MBD5: variants seen among roughly 807,000 people sequenced by gnomAD.
MBD5 encodes the protein methyl-CpG binding domain protein 5.
A neutral mutation model predicts 117.3 loss-of-function variants in MBD5; 13 were observed. The ratio of observed to expected loss-of-function variants is 0.11; its 90% CI spans 0.07 to 0.18. The LOEUF (loss-of-function observed/expected upper bound fraction) is 0.18, where lower values mean the gene tolerates loss of function less well. Ranked by LOEUF, MBD5 falls within the 10% of genes least tolerant of loss-of-function variation. The pLI is 1.00. For missense variants in MBD5, 1,879 were observed against 2,093.8 expected (o/e 0.90, Z 2.00); for synonymous variants, 727 against 766.4 (o/e 0.95, Z 0.85).
At chr2:148,281,926 A>G (rs952450424) in intron 3 of MBD5, among the ~76,000 whole-genome samples, 1 of 152,282 alleles carries the variant, frequency 6.6e-6, no homozygotes, top group Non-Finnish European at 1.5e-5. Context: ...CTCCACTAAC[A>G]TGCAATATTA....
chr2:148,490,660 TATC>T (rs1446820400), intron 11 of MBD5, 66 bp downstream of exon 11: 67 of 1,585,574 alleles, frequency 4.2e-5, no homozygotes, highest in Non-Finnish European at 5.6e-5. Flanking sequence ...TGCTTTTTGT[TATC>T]ATCACTTTGG....
chr2:148,245,446 G>A (rs927328504), intron 3 of MBD5, among the ~76,000 whole-genome samples: 2 of 151,968 alleles, frequency 1.3e-5, no homozygotes, highest in Non-Finnish European at 2.9e-5. Context: ...AATTAGCTGA[G>A]TGTGGTGGTG....
At chr2:148,146,173 T>G (rs141230197) in intron 1 of MBD5, among the ~76,000 whole-genome samples, 62 of 152,344 alleles carry the variant, frequency 4.1e-4, no homozygotes, top group African/African-American at 1.5e-3. Context: ...CAGTTGTTTA[T>G]AGTGAGCTTT....
At chr2:148,278,151 T>C (rs1701158635) in intron 3 of MBD5, among the ~76,000 whole-genome samples, 1 of 152,212 alleles carries the variant, frequency 6.6e-6, no homozygotes, top group Non-Finnish European at 1.5e-5. Flanking sequence ...ATATGTAGCC[T>C]TTGATTCTAT....
intron 1 of MBD5, among the ~76,000 whole-genome samples, chr2:148,074,515 T>TTTTTG (rs1368736089): frequency 1.3e-5 from 2 of 148,958 alleles, no homozygotes; most frequent in East Asian, 1.9e-4. Flanking sequence ...TTGTTTTTTT[T>TTTTTG]TTTGAGATGG....
chr2:148,228,495 T>C lies in MBD5; in HGVS notation c.-830-4750T>C, dbSNP rs564054328. 2.0e-3 allele frequency among the ~76,000 whole-genome samples: 312 copies of C among 152,262 alleles called. 7 individuals carry two copies. The highest frequency in any genetic ancestry group is 1.1e-3 in the Non-Finnish European group (78 of 68,002). ...CATGGTGGATAAGCTTTTTGATGTGTTGCTGGATTTGGTTTGCCAGTATTT... is the reference window on the plus strand; with the variant it reads ...CATGGTGGATAAGCTTTTTGATGTGCTGCTGGATTTGGTTTGCCAGTATTT... On this transcript the variant is annotated intron_variant, in intron 2 of 13. Transcript: ENST00000642680.
intron 3 of MBD5, among the ~76,000 whole-genome samples, chr2:148,277,625 T>C (rs1701147007): frequency 6.6e-6 from 1 of 152,148 alleles, no homozygotes; most frequent in Admixed American, 6.5e-5. Context: ...GTTTTTTGTG[T>C]CTACTTTATC....
At chr2:148,330,033 A>ACCCCCCCCCCCCCCCCCC (rs56712549) in intron 3 of MBD5, among the ~76,000 whole-genome samples, 4 of 17,690 alleles carry the variant, frequency 2.3e-4, no homozygotes, top group Admixed American at 1.1e-3. Flanking sequence ...GTAGGTAAGA[A>ACCCCCCCCCCCCCCCCCC]CCCCCCCCCG....
At chr2:148,132,005 C>T (rs2105473826) in intron 1 of MBD5, among the ~76,000 whole-genome samples, 1 of 151,960 alleles carries the variant, frequency 6.6e-6, no homozygotes, top group Non-Finnish European at 1.5e-5. Context: ...AATATGATTC[C>T]ATTATTTTAA....
chr2:148,241,782 A>G (rs562942449), intron 3 of MBD5, among the ~76,000 whole-genome samples: 36 of 152,258 alleles, frequency 2.4e-4, no homozygotes, highest in African/African-American at 7.7e-4. Context: ...TCTTCTTTCA[A>G]GGGTCAAATC....
intron 1 of MBD5, among the ~76,000 whole-genome samples, chr2:148,160,855 C>A (rs996952229): frequency 6.6e-6 from 1 of 152,150 alleles, no homozygotes; most frequent in African/African-American, 2.4e-5. Flanking sequence ...ATTTGTACCT[C>A]TACTTTTATA....
chr2:148,027,214 TA>T (rs993585579), intron 1 of MBD5: 7 of 152,124 alleles, frequency 4.6e-5, no homozygotes, highest in African/African-American at 1.7e-4. Context: ...ATTACATATA[TA>T]GGATTAAGTT....
chr2:148,203,068 G>T (rs1428845734), intron 2 of MBD5, among the ~76,000 whole-genome samples: 2 of 143,606 alleles, frequency 1.4e-5, no homozygotes, highest in East Asian at 4.0e-4. Context: ...TCGCGCCATT[G>T]CACTCTAGCC....
At chr2:148,043,209 A>T (rs1694414959) in intron 1 of MBD5, among the ~76,000 whole-genome samples, 1 of 151,818 alleles carries the variant, frequency 6.6e-6, no homozygotes, top group African/African-American at 2.4e-5. Context: ...GTGGATCACG[A>T]GGTCAGGAGA....
intron 4 of MBD5, among the ~76,000 whole-genome samples, chr2:148,455,193 T>C (rs933218587): frequency 6.6e-6 from 1 of 152,102 alleles, no homozygotes; most frequent in Non-Finnish European, 1.5e-5. Context: ...GATAACTATA[T>C]TGGATTTTTG....
At chr2:148,381,832 C>T (rs537761729) in intron 4 of MBD5, among the ~76,000 whole-genome samples, 65 of 152,196 alleles carry the variant, frequency 4.3e-4, no homozygotes, top group African/African-American at 1.4e-3. Flanking sequence ...GAATTTTCAA[C>T]CCAGAATTTC....
chr2:148,257,497 G>A (rs1700618530), intron 3 of MBD5, among the ~76,000 whole-genome samples: 1 of 152,160 alleles, frequency 6.6e-6, no homozygotes, highest in Non-Finnish European at 1.5e-5. Flanking sequence ...TGTCTTACCC[G>A]ACCAGATAAC....
intron 5 of MBD5, 98 bp downstream of exon 5, chr2:148,458,969 G>C (rs1706972333): frequency 1.0e-6 from 1 of 960,802 alleles, no homozygotes; most frequent in Non-Finnish European, 1.7e-6. Context: ...ATATAAATGT[G>C]AAAAAGTGAC....
chr2:148,179,277 C>G (rs920182192), intron 2 of MBD5, among the ~76,000 whole-genome samples: 1 of 151,508 alleles, frequency 6.6e-6, no homozygotes, highest in African/African-American at 2.4e-5. Flanking sequence ...ATGGCGTGAA[C>G]CCGGGAGGCG....
Sources: allele counts gnomAD v4.1 joint callset (sites outside exome capture counted in the v4.1 genomes callset), GRCh38; gene constraint gnomAD v4.1.1; transcripts MANE v1.5; gene names NCBI Gene and HGNC (gene_info 2026-07-23, HGNC 2026-07-21).